Variants in DLGAP2 observed in about 807,000 individuals in gnomAD.
The protein encoded by DLGAP2 is disks large-associated protein 2.
Under a neutral mutation model 100.3 loss-of-function variants are expected in DLGAP2, and 26 were observed. The ratio of observed to expected loss-of-function variants is 0.26; its 90% CI spans 0.19 to 0.36. The LOEUF (loss-of-function observed/expected upper bound fraction) is 0.36, where lower values mean the gene tolerates loss of function less well. DLGAP2 is among the 10% of genes least tolerant of loss of function. DLGAP2 has a pLI of 1.00. For synonymous variants in DLGAP2, 886 were observed against 630.1 expected (o/e 1.41, Z -6.08); for missense variants, 1,858 against 1,453.2 (o/e 1.28, Z -4.53).
At chr8:1,441,158 A>G (rs1003211707) in intron 3 of DLGAP2, among the ~76,000 whole-genome samples, 2 of 152,220 alleles carry the variant, frequency 1.3e-5, no homozygotes, top group Admixed American at 6.5e-5. Flanking sequence ...AAAGAGATGT[A>G]TTAATATAAT....
intron 1 of DLGAP2, among the ~76,000 whole-genome samples, chr8:890,553 C>G (rs71516118): frequency 6.6e-6 from 1 of 151,754 alleles, no homozygotes; most frequent in African/African-American, 2.4e-5. Context: ...GATGGCGCCT[C>G]CTCCTCCCTT....
intron 3 of DLGAP2, among the ~76,000 whole-genome samples, chr8:1,330,242 G>A (rs1801117923): frequency 6.6e-6 from 1 of 152,074 alleles, no homozygotes; most frequent in African/African-American, 2.4e-5. Flanking sequence ...GTTCTGGGTG[G>A]GAGCACCGCT....
chr8:1,623,310 C>A (rs112836478), intron 6 of DLGAP2, among the ~76,000 whole-genome samples: 4 of 152,290 alleles, frequency 2.6e-5, no homozygotes, highest in African/African-American at 9.6e-5. Context: ...AGTGCATGAC[C>A]TGGCACCAGT....
intron 2 of DLGAP2, among the ~76,000 whole-genome samples, chr8:1,106,645 G>C (rs1211393164): frequency 2.0e-5 from 3 of 149,876 alleles, no homozygotes; most frequent in African/African-American, 7.3e-5. Flanking sequence ...GCCATTCTAG[G>C]ATGGTTTTCT....
At chr8:906,590 AAC>A (rs1798385673) in intron 1 of DLGAP2, among the ~76,000 whole-genome samples, 1 of 152,142 alleles carries the variant, frequency 6.6e-6, no homozygotes, top group African/African-American at 2.4e-5. Flanking sequence ...TCATCAGGGA[AAC>A]AGTGTCAGAT....
At chr8:759,496 C>G (rs187672054) in intron 1 of DLGAP2, among the ~76,000 whole-genome samples, 1 of 150,704 alleles carries the variant, frequency 6.6e-6, no homozygotes, top group Non-Finnish European at 1.5e-5. Flanking sequence ...CCACGGTTGA[C>G]GTGGGGCTCC....
At position 1,059,015 on chromosome 8, in the gene DLGAP2, G is replaced by A. The variant is rs183463699; in HGVS notation, c.73+151049G>A. Among the ~76,000 whole-genome samples, 62 of 152,296 alleles carry A rather than the reference G, an allele frequency of 4.1e-4. 1 individual carries two copies. Among genetic ancestry groups the A allele is most frequent in the East Asian group, 3.9e-3 (20 of 5,176 alleles). On this transcript the variant is annotated intron_variant, in intron 2 of 14. Transcript: ENST00000637795. ...TGGGCTGGATGTTGGCCATAGCAGCGTCTGCTTCTGAGAAGACATAAACGG... is the reference window on the plus strand; with the variant it reads ...TGGGCTGGATGTTGGCCATAGCAGCATCTGCTTCTGAGAAGACATAAACGG...
intron 3 of DLGAP2, among the ~76,000 whole-genome samples, chr8:1,322,599 C>T (rs1240534953): frequency 1.3e-5 from 2 of 152,194 alleles, no homozygotes; most frequent in Non-Finnish European, 2.9e-5. Flanking sequence ...TGTGTGCGCC[C>T]ACCTGGCGTG....
chr8:918,459 G>A (rs1205856170), intron 2 of DLGAP2, among the ~76,000 whole-genome samples: 1 of 152,102 alleles, frequency 6.6e-6, no homozygotes, highest in Non-Finnish European at 1.5e-5. Flanking sequence ...TGTGTAGACT[G>A]GGTACAGTGT....
At chr8:1,670,571 G>T (rs1054291959) in intron 10 of DLGAP2, among the ~76,000 whole-genome samples, 1 of 152,266 alleles carries the variant, frequency 6.6e-6, no homozygotes, top group Non-Finnish European at 1.5e-5. Flanking sequence ...CATAGGGAGT[G>T]CTCAGTAAAT....
At position 1,141,769 on chromosome 8, in the gene DLGAP2, CAT is replaced by C. The variant is rs563844032; in HGVS notation, c.74-117078_74-117077del. Among the ~76,000 whole-genome samples the C allele has an allele frequency of 5.5e-4, 84 of 152,104 alleles. 3 individuals are homozygous for C. The South Asian group carries it at 0.017, about 30-fold the overall frequency. ...TTAATAACATGAGTAAAGTGCTTAA[CAT>C]ATAAAAATGACTGAAAAAAATGACT... On this transcript the variant is annotated intron_variant, in intron 2 of 14. Transcript: ENST00000637795.
chr8:1,322,075 C>T (rs1017106697), intron 3 of DLGAP2, among the ~76,000 whole-genome samples: 1 of 151,980 alleles, frequency 6.6e-6, no homozygotes, highest in Admixed American at 6.6e-5. Flanking sequence ...TTAGCAGAAA[C>T]CCTAGATAAC....
chr8:871,002 G>C (rs995877511), intron 1 of DLGAP2, among the ~76,000 whole-genome samples: 4 of 152,128 alleles, frequency 2.6e-5, no homozygotes, highest in Non-Finnish European at 4.4e-5. Flanking sequence ...TCCTTCCCCT[G>C]GTTCTTCAGA....
intron 1 of DLGAP2, among the ~76,000 whole-genome samples, chr8:779,144 A>C (rs1002998998): frequency 1.3e-5 from 2 of 152,168 alleles, no homozygotes; most frequent in Non-Finnish European, 2.9e-5. Context: ...TAGGAAAGGG[A>C]ACTCCCTGAC....
chr8:1,343,900 G>C (rs1293389600), intron 3 of DLGAP2, among the ~76,000 whole-genome samples: 1 of 152,196 alleles, frequency 6.6e-6, no homozygotes, highest in Non-Finnish European at 1.5e-5. Flanking sequence ...TCTCACGGGT[G>C]CGAGCTCCCT....
intron 4 of DLGAP2, among the ~76,000 whole-genome samples, chr8:1,510,349 C>A (rs1304122376): frequency 6.6e-6 from 1 of 152,162 alleles, no homozygotes; most frequent in Non-Finnish European, 1.5e-5. Flanking sequence ...CCTCGTTGCC[C>A]CAGATGTCAG....
At chr8:1,636,918 T>C (rs1231193444) in intron 8 of DLGAP2, among the ~76,000 whole-genome samples, 2 of 152,186 alleles carry the variant, frequency 1.3e-5, no homozygotes, top group Admixed American at 1.3e-4. Flanking sequence ...TGATTTGAAA[T>C]CACAAAATAC....
At chr8:1,591,444 A>C (rs928074201) in intron 6 of DLGAP2, among the ~76,000 whole-genome samples, 9 of 151,940 alleles carry the variant, frequency 5.9e-5, no homozygotes, top group African/African-American at 2.2e-4. Context: ...GGCATTTTTC[A>C]ATTCTTTTGA....
chr8:1,327,773 G>T (rs537631304), intron 3 of DLGAP2, among the ~76,000 whole-genome samples: 2 of 152,208 alleles, frequency 1.3e-5, no homozygotes, highest in African/African-American at 2.4e-5. Flanking sequence ...GAACCCAGGA[G>T]GGGGAGCTTG....
Sources: gnomAD v4.1 joint callset for allele counts (sites outside exome capture counted in the v4.1 genomes callset) on GRCh38, gnomAD v4.1.1 for gene constraint, MANE v1.5 for transcripts, NCBI Gene and HGNC (gene_info 2026-07-23, HGNC 2026-07-21) for gene names.